Variants in BANP observed in about 807,000 individuals in gnomAD.
The protein encoded by BANP is BTG3 associated nuclear protein.
BANP carries 11 observed loss-of-function variants against 68.1 expected under a neutral mutation model. That is an observed-to-expected ratio of 0.16 (90% CI 0.10 to 0.27). BANP has a LOEUF of 0.27. Ranked by LOEUF, BANP falls within the 10% of genes least tolerant of loss-of-function variation. BANP has a pLI of 1.00. For missense variants in BANP, 504 were observed against 722.7 expected (o/e 0.70, Z 3.47); for synonymous variants, 329 against 303.2 (o/e 1.09, Z -0.88).
intron 11 of BANP, among the ~76,000 whole-genome samples, chr16:88,063,418 G>A (rs1469910034): frequency 6.6e-6 from 1 of 152,160 alleles, no homozygotes; most frequent in Non-Finnish European, 1.5e-5. Context: ...GGAATTCAGT[G>A]TTTCATTATG....
intron 11 of BANP, among the ~76,000 whole-genome samples, chr16:88,044,156 C>G (rs2081425314): frequency 6.6e-6 from 1 of 152,252 alleles, no homozygotes; most frequent in South Asian, 2.1e-4. Context: ...TAAAGGCCAA[C>G]TCGCATTCTG....
chr16:87,968,096 G>C (rs944355461), intron 1 of BANP, among the ~76,000 whole-genome samples: 1 of 150,862 alleles, frequency 6.6e-6, no homozygotes, highest in Admixed American at 6.6e-5. Flanking sequence ...TTTTTTAAAG[G>C]TTCTGAAAGC....
At chr16:87,982,416 A>G (rs2063452610) in intron 3 of BANP, among the ~76,000 whole-genome samples, 1 of 152,230 alleles carries the variant, frequency 6.6e-6, no homozygotes, top group African/African-American at 2.4e-5. Flanking sequence ...TACTGTGTAA[A>G]GAATTTGAGA....
chr16:88,032,651 A>C (rs193011448), intron 8 of BANP, among the ~76,000 whole-genome samples: 265 of 152,388 alleles, frequency 1.7e-3, no homozygotes, highest in African/African-American at 6.2e-3. Flanking sequence ...CATTACAGTG[A>C]AAATTAATAC....
At chr16:87,966,419 A>C (rs1402102250) in intron 1 of BANP, among the ~76,000 whole-genome samples, 1 of 152,160 alleles carries the variant, frequency 6.6e-6, no homozygotes, top group Admixed American at 6.5e-5. Context: ...AGAAATGGCA[A>C]ATTTAATTTG....
In BANP at chr16:88,057,780, C is replaced by T. The variant is rs997953212; in HGVS notation, c.1312-7487C>T. On this transcript the variant is annotated intron_variant, in intron 11 of 13. Transcript: ENST00000682872. The surrounding 1 kb of genome is among the most constrained non-coding windows in gnomAD (Gnocchi z 4.6). ...GGGGGGGGGGGTGCGTGCAGTGACTCGCGCTGGCCCTGTCCCCGCACCCTG... is the reference window on the plus strand; with the variant it reads ...GGGGGGGGGGGTGCGTGCAGTGACTTGCGCTGGCCCTGTCCCCGCACCCTG... Among the ~76,000 whole-genome samples the T allele has an allele frequency of 1.3e-5, 2 of 151,686 alleles. No homozygotes were observed. Among genetic ancestry groups the T allele is most frequent in the African/African-American group, 2.4e-5 (1 of 41,228 alleles).
chr16:88,044,503 T>C (rs953545791), intron 11 of BANP, among the ~76,000 whole-genome samples: 6 of 152,240 alleles, frequency 3.9e-5, no homozygotes, highest in Non-Finnish European at 5.9e-5. Flanking sequence ...CTCTTCCTTT[T>C]TGTCTCTTTG....
chr16:88,045,957 C>G (rs1427217236), intron 11 of BANP, among the ~76,000 whole-genome samples: 1 of 152,226 alleles, frequency 6.6e-6, no homozygotes. Flanking sequence ...GCTGGGCGCA[C>G]ACGGCCCACC....
At chr16:88,065,691 G>A (rs1380733738) in intron 12 of BANP, among the ~76,000 whole-genome samples, 1 of 152,208 alleles carries the variant, frequency 6.6e-6, no homozygotes, top group Non-Finnish European at 1.5e-5. Flanking sequence ...GGTTCCCTCA[G>A]GCTGAACTGG....
intron 4 of BANP, among the ~76,000 whole-genome samples, chr16:87,984,577 C>T (rs1447998211): frequency 6.6e-6 from 1 of 152,214 alleles, no homozygotes; most frequent in Non-Finnish European, 1.5e-5. Flanking sequence ...CTCTACCTGG[C>T]TAGTCTTTAC....
chr16:87,985,086 TG>T (rs1468671024), intron 4 of BANP, among the ~76,000 whole-genome samples: 1 of 152,214 alleles, frequency 6.6e-6, no homozygotes, highest in Non-Finnish European at 1.5e-5. Flanking sequence ...GCAACAAGCC[TG>T]GAGGGACTGT....
At chr16:88,009,718 G>A (rs566081962) in intron 6 of BANP, among the ~76,000 whole-genome samples, 347 of 140,812 alleles carry the variant, frequency 2.5e-3, no homozygotes, top group African/African-American at 8.9e-3. Context: ...GGACGGTAAC[G>A]CTCAGCTATT....
At chr16:88,055,526 C>T (rs2084790752) in intron 11 of BANP, among the ~76,000 whole-genome samples, 1 of 152,120 alleles carries the variant, frequency 6.6e-6, no homozygotes, top group Non-Finnish European at 1.5e-5. Context: ...CAGAAGGCTT[C>T]AGAATCTTTT....
chr16:88,051,311 C>A (rs1049246403), intron 11 of BANP, among the ~76,000 whole-genome samples: 1 of 152,222 alleles, frequency 6.6e-6, no homozygotes, highest in Non-Finnish European at 1.5e-5. Context: ...AGGTGTGGGG[C>A]GGCCTGCAGG....
chr16:87,964,427 C>T (rs1191390184), intron 1 of BANP, among the ~76,000 whole-genome samples: 1 of 151,824 alleles, frequency 6.6e-6, no homozygotes, highest in East Asian at 1.9e-4. Flanking sequence ...GTCACCGTTG[C>T]CGAGGCGTCC....
At chr16:87,972,470 A>G (rs1042379629) in intron 1 of BANP, among the ~76,000 whole-genome samples, 12 of 151,438 alleles carry the variant, frequency 7.9e-5, no homozygotes, top group Non-Finnish European at 1.3e-4. Context: ...ATATGTTTCT[A>G]GAATGTTTTC....
chr16:88,038,005 C>T lies in BANP; in HGVS notation c.1305C>T (p.Asp435=), dbSNP rs149196674. ...TCCAGATCCATCACGTGGGGCAGGA[C>T]GGTCAGGTGAGTGTCCCAGTCCCCA... is the stretch of plus-strand genomic sequence containing the variant. ...GNLQIHHVGQ[D]GQLLEATRIP... is the part of the protein sequence containing the mutation. The change falls in exon 11 of 14, where the codon GAC becomes GAT. Residue 435 remains aspartate (D), a synonymous_variant. Coordinates refer to ENST00000682872, the MANE Select transcript of BANP (RefSeq NM_001386991.1). The T allele has an allele frequency of 5.6e-5, 90 of 1,613,060 alleles. No individual in the cohort carries two copies. In the African/African-American group the frequency reaches 8.5e-4, roughly 15 times the overall value.
rs992182759 is a variant in BANP at position 88,002,363 on chromosome 16, C to T, written c.363-1932C>T. Among the ~76,000 whole-genome samples, 3 of 151,964 alleles carry T rather than the reference C, an allele frequency of 2.0e-5. No homozygotes were observed. The highest frequency in any genetic ancestry group is 2.9e-5 in the Non-Finnish European group (2 of 67,968). On this transcript the variant is annotated intron_variant, in intron 4 of 13. Coordinates refer to ENST00000682872, the MANE Select transcript of BANP (RefSeq NM_001386991.1). This position sits in a 1 kb window ranked among gnomAD's most constrained non-coding sequence, Gnocchi z 4.6. Reference sequence around the variant, plus strand: ...ACTTACCAAGGGCTTTCTAGTCAGCCGGTGAGGTGCTGGTTTTGTCACGCC... The same window carrying T: ...ACTTACCAAGGGCTTTCTAGTCAGCTGGTGAGGTGCTGGTTTTGTCACGCC...
intron 4 of BANP, among the ~76,000 whole-genome samples, chr16:88,001,342 G>A (rs1361513491): frequency 3.3e-5 from 5 of 150,688 alleles, no homozygotes; most frequent in African/African-American, 7.3e-5. Flanking sequence ...ACCCAGACAC[G>A]TCTCCATGCA....
Sources: allele counts gnomAD v4.1 joint callset (sites outside exome capture counted in the v4.1 genomes callset), GRCh38; gene constraint gnomAD v4.1.1; non-coding constraint Gnocchi (gnomAD v3.1); transcripts MANE v1.5; gene names NCBI Gene and HGNC (gene_info 2026-07-23, HGNC 2026-07-21).